Variants in PDRG1 observed in about 807,000 individuals in gnomAD.
PDRG1 encodes the protein p53 and DNA damage regulated 1.
In PDRG1, 14 loss-of-function variants were observed where a neutral mutation model predicts 18.4. The ratio of observed to expected loss-of-function variants is 0.76; its 90% CI spans 0.50 to 1.19. PDRG1 has a LOEUF of 1.19. Among genes scored for constraint, PDRG1 ranks in the 50% most tolerant of loss-of-function variants. The pLI, the probability that PDRG1 is intolerant of heterozygous loss-of-function variation, is 0.00. For missense variants in PDRG1, 177 were observed against 160.1 expected (o/e 1.11, Z -0.57); for synonymous variants, 65 against 60.9 (o/e 1.07, Z -0.31).
chr20:31,952,042 T>C lies in PDRG1; in HGVS notation c.-81A>G, dbSNP rs2064357046. 2.1e-6 allele frequency: 3 copies of C among 1,460,590 alleles called. No individual in the cohort carries two copies. Among genetic ancestry groups the C allele is most frequent in the Admixed American group, 2.9e-5 (1 of 34,820 alleles). 90.5% of individuals were successfully genotyped at this position (1,460,590 alleles called of 1,614,324 possible). A position where few individuals can be genotyped will look rare whatever the true frequency, so the allele number is the denominator to read the frequency against. On this transcript the variant is annotated 5_prime_UTR_variant, in exon 1 of 5. Transcript: ENST00000202017. Reference sequence around the variant, plus strand: ...CTCCCGCTGCGCACGCGCCGCTCTCTAGGTGCTTCCGGCGCGCCTGCGCAG... The same window carrying C: ...CTCCCGCTGCGCACGCGCCGCTCTCCAGGTGCTTCCGGCGCGCCTGCGCAG...
chr20:31,948,543 TTCC>T (rs1252587299), intron 3 of PDRG1, among the ~76,000 whole-genome samples: 2 of 152,254 alleles, frequency 1.3e-5, no homozygotes, highest in Admixed American at 6.5e-5. Flanking sequence ...GCCCAACTGA[TTCC>T]TCACTAATAA....
rs1034105567 is a variant in PDRG1, at chr20:31,944,747, A to G, written c.*1060T>C. 83 of 152,342 alleles carry G rather than the reference A, an allele frequency of 5.4e-4. 1 individual carries two copies. The highest frequency in any genetic ancestry group is 1.9e-3 in the African/African-American group (80 of 41,572). 9.4% of individuals were successfully genotyped at this position (152,342 alleles called of 1,614,324 possible). ...TGAAAACACGTAAGAACTGGCCATGACAGCCTGTGTTTCTATGTAACTATG... is the reference window on the plus strand; with the variant it reads ...TGAAAACACGTAAGAACTGGCCATGGCAGCCTGTGTTTCTATGTAACTATG... On this transcript the variant is annotated 3_prime_UTR_variant, in exon 5 of 5. Transcript: ENST00000202017.
At chr20:31,947,079 A>C (rs1176822327) in intron 3 of PDRG1, among the ~76,000 whole-genome samples, 1 of 152,240 alleles carries the variant, frequency 6.6e-6, no homozygotes, top group African/African-American at 2.4e-5. Context: ...AGCTTAACTT[A>C]ATTAGCCACT....
intron 3 of PDRG1, 120 bp from the exon 4 acceptor site, chr20:31,946,696 C>T: frequency 1.2e-6 from 1 of 823,364 alleles, no homozygotes; most frequent in Non-Finnish European, 2.0e-6. Flanking sequence ...GAAAAGGGGA[C>T]ATCAGAGGCC....
rs917142362 is a variant in PDRG1 at position 31,950,530 on chromosome 20, T to C, written c.88-143A>G. ...TAAAATGGATTGATGTGTGAATGTA[T>C]TTCTTCTCTCACTCAGCTTCCTGGT... On this transcript the variant is annotated intron_variant, in intron 1 of 4. Coordinates refer to ENST00000202017, the MANE Select transcript of PDRG1 (RefSeq NM_030815.3). 5 of 644,884 alleles carry C rather than the reference T, an allele frequency of 7.8e-6. No homozygotes were observed. The Admixed American group carries it at 8.3e-5, about 11-fold the overall frequency. The allele number at this position is 644,884 out of a possible 1,614,324, so 39.9% of individuals were successfully genotyped here.
rs1051478612 is a variant in PDRG1, at chr20:31,945,592, G to A, written c.*215C>T. 8.3e-6 allele frequency: 4 copies of A among 483,940 alleles called. No individual in the cohort carries two copies. Among genetic ancestry groups the A allele is most frequent in the South Asian group, 2.8e-5 (1 of 35,330 alleles). 30.0% of individuals were successfully genotyped at this position (483,940 alleles called of 1,614,324 possible). A position where few individuals can be genotyped will look rare whatever the true frequency, so the allele number is the denominator to read the frequency against. ...CCCGTCAATAGATCTTGTGTCCACC[G>A]AGCCCTGGTGTCCAGGTCCAGCAGC... is the stretch of plus-strand genomic sequence containing the variant. On this transcript the variant is annotated 3_prime_UTR_variant, in exon 5 of 5. Transcript: ENST00000202017.
chr20:31,944,657 T>C lies in PDRG1; in HGVS notation c.*1150A>G, dbSNP rs554077096. ...TGACCCACACTCATGTTTTAAAAGT[T>C]TCTGCATTAGTCAAAAATATTTAAA... On this transcript the variant is annotated 3_prime_UTR_variant, in exon 5 of 5. Transcript: ENST00000202017. The C allele has an allele frequency of 6.6e-6, 1 of 152,354 alleles. No homozygotes were observed. The highest frequency in any genetic ancestry group is 2.1e-4 in the South Asian group (1 of 4,830). The allele number at this position is 152,354 out of a possible 1,614,324, so 9.4% of individuals were successfully genotyped here.
chr20:31,950,245 C>CAAGG (rs2064343760), intron 2 of PDRG1, 67 bp downstream of exon 2: 1 of 1,211,450 alleles, frequency 8.3e-7, no homozygotes, highest in Non-Finnish European at 1.2e-6. Flanking sequence ...CTATCAGGAA[C>CAAGG]AAGGTAAAGG....
At chr20:31,946,397 C>T (rs1600644463) in intron 4 of PDRG1, 99 bp downstream of exon 4, 1 of 1,146,950 alleles carries the variant, frequency 8.7e-7, no homozygotes, top group East Asian at 2.3e-5. Context: ...GCCCCGGACA[C>T]TGCCCATCTC....
At position 31,951,994 on chromosome 20, in the gene PDRG1, C is replaced by G. The variant is rs758904139; in HGVS notation, c.-33G>C. The G allele has an allele frequency of 2.6e-6, 4 of 1,514,542 alleles. No individual in the cohort carries two copies. The highest frequency in any genetic ancestry group is 2.6e-6 in the Non-Finnish European group (3 of 1,133,468). 93.8% of individuals were successfully genotyped at this position (1,514,542 alleles called of 1,614,324 possible). ...ACCAACTCCGCTTGCGGCTCTCGCG[C>G]GACCCCGGGATCTCCGCTTCGACTC... On this transcript the variant is annotated 5_prime_UTR_variant, in exon 1 of 5. Coordinates refer to ENST00000202017, the MANE Select transcript of PDRG1 (RefSeq NM_030815.3).
rs201465058 is a variant in PDRG1, at chr20:31,946,591, G to C, written c.239-15C>G. ...ATGATCTTGATCTGAAAAAATGAGG[G>C]GGGCAAGCAGAGGATAAGATTGTAC... On this transcript the variant is annotated splice_polypyrimidine_tract_variant and intron_variant, in intron 3 of 4. Transcript: ENST00000202017. 1 of 1,594,220 alleles carries C rather than the reference G, an allele frequency of 6.3e-7. No homozygotes were observed. The highest frequency in any genetic ancestry group is 1.1e-5 in the South Asian group (1 of 90,622).
Position 31,945,783 on chromosome 20 carries a change from GT to G in PDRG1, c.*23del. On this transcript the variant is annotated 3_prime_UTR_variant, in exon 5 of 5. Coordinates refer to ENST00000202017, the MANE Select transcript of PDRG1 (RefSeq NM_030815.3). ...CCTCCATGACCCTGGGGGGTTGCTGGTCCCCCATCTTGGTTCTTGAGTCTCA... is the reference window on the plus strand; with the variant it reads ...CCTCCATGACCCTGGGGGGTTGCTGGCCCCCATCTTGGTTCTTGAGTCTCA... 6.3e-7 allele frequency: 1 copy of G among 1,595,810 alleles called. No individual in the cohort carries two copies. The highest frequency in any genetic ancestry group is 2.2e-5 in the East Asian group (1 of 44,772).
chr20:31,947,856 C>A (rs1346455614), intron 3 of PDRG1, among the ~76,000 whole-genome samples: 1 of 151,920 alleles, frequency 6.6e-6, no homozygotes, highest in Non-Finnish European at 1.5e-5. Flanking sequence ...CACCATTGCA[C>A]TCCAGCCTGG....
At position 31,945,608 on chromosome 20, in the gene PDRG1, G is replaced by A. The variant is rs934438394; in HGVS notation, c.*199C>T. The A allele has an allele frequency of 1.2e-5, 6 of 511,226 alleles. No individual in the cohort carries two copies. The highest frequency in any genetic ancestry group is 2.6e-5 in the South Asian group (1 of 38,446). The allele number at this position is 511,226 out of a possible 1,614,324, so 31.7% of individuals were successfully genotyped here. On this transcript the variant is annotated 3_prime_UTR_variant, in exon 5 of 5. Transcript: ENST00000202017. ...GTGTCCACCGAGCCCTGGTGTCCAG[G>A]TCCAGCAGCCAGACAGGCTGAAGGT...
In PDRG1 at chr20:31,946,590, G is replaced by T. The variant is rs772545116; in HGVS notation, c.239-14C>A. On this transcript the variant is annotated splice_polypyrimidine_tract_variant and intron_variant, in intron 3 of 4. Transcript: ENST00000202017. ...GATGATCTTGATCTGAAAAAATGAG[G>T]GGGGCAAGCAGAGGATAAGATTGTA... 2.5e-5 allele frequency: 40 copies of T among 1,597,930 alleles called. No individual in the cohort carries two copies. Among genetic ancestry groups the T allele is most frequent in the Non-Finnish European group, 3.3e-5 (39 of 1,165,754 alleles).
chr20:31,950,462 G>A, intron 1 of PDRG1, 75 bp from the exon 2 acceptor site: 4 of 1,128,942 alleles, frequency 3.5e-6, no homozygotes, highest in Non-Finnish European at 5.4e-6. Context: ...GACAAGGGTT[G>A]CAGAGGCAAT....
rs2064310128 is a variant in PDRG1, at chr20:31,945,617, C to G, written c.*190G>C. 5.9e-6 allele frequency: 3 copies of G among 507,402 alleles called. No homozygotes were observed. Among genetic ancestry groups the G allele is most frequent in the Non-Finnish European group, 1.1e-5 (3 of 285,696 alleles). 31.4% of individuals were successfully genotyped at this position (507,402 alleles called of 1,614,324 possible). A position where few individuals can be genotyped will look rare whatever the true frequency, so the allele number is the denominator to read the frequency against. ...GAGCCCTGGTGTCCAGGTCCAGCAG[C>G]CAGACAGGCTGAAGGTTCCCTCCTG... On this transcript the variant is annotated 3_prime_UTR_variant, in exon 5 of 5. Coordinates refer to ENST00000202017, the MANE Select transcript of PDRG1 (RefSeq NM_030815.3).
In PDRG1 at chr20:31,944,846, T is replaced by C. The variant is rs766508039; in HGVS notation, c.*961A>G. ...GCTGCCATTTGTTATCACCCGCCTG[T>C]CAAATCACAGGTTTATTTCAAGGCA... On this transcript the variant is annotated 3_prime_UTR_variant, in exon 5 of 5. Transcript: ENST00000202017. The C allele has an allele frequency of 2.6e-5, 4 of 152,168 alleles. No individual in the cohort carries two copies. The highest frequency in any genetic ancestry group is 5.9e-5 in the Non-Finnish European group (4 of 68,058). 9.4% of individuals were successfully genotyped at this position (152,168 alleles called of 1,614,324 possible).
At chr20:31,949,016 G>C (rs2064335553) in intron 2 of PDRG1, 134 bp from the exon 3 acceptor site, 1 of 710,814 alleles carries the variant, frequency 1.4e-6, no homozygotes, top group Non-Finnish European at 2.3e-6. Flanking sequence ...TGTTACAGTG[G>C]AGGAGAGAGA....
Sources: allele counts gnomAD v4.1 joint callset (sites outside exome capture counted in the v4.1 genomes callset), GRCh38; gene constraint gnomAD v4.1.1; transcripts MANE v1.5; gene names NCBI Gene and HGNC (gene_info 2026-07-23, HGNC 2026-07-21).